Variants in ARID1B observed in about 807,000 individuals in gnomAD.
ARID1B encodes AT-rich interactive domain-containing protein 1B.
ARID1B carries 30 observed loss-of-function variants against 212.3 expected under a neutral mutation model. That is an observed-to-expected ratio of 0.14 (90% CI 0.11 to 0.19). The LOEUF (loss-of-function observed/expected upper bound fraction) is 0.19. ARID1B is among the 10% of genes least tolerant of loss of function. ARID1B has a pLI of 1.00. For synonymous variants in ARID1B, 1,402 were observed against 1,301.7 expected (o/e 1.08, Z -1.66); for missense variants, 2,891 against 3,204.0 (o/e 0.90, Z 2.36).
At chr6:156,831,612 A>G (rs1783144076) in intron 2 of ARID1B, among the ~76,000 whole-genome samples, 1 of 152,218 alleles carries the variant, frequency 6.6e-6, no homozygotes, top group Non-Finnish European at 1.5e-5. Flanking sequence ...TGTAAAGCTA[A>G]AAGTAGAGGA....
chr6:156,876,231 G>A (rs1224724797), intron 2 of ARID1B, among the ~76,000 whole-genome samples: 2 of 152,220 alleles, frequency 1.3e-5, no homozygotes, highest in Non-Finnish European at 2.9e-5. Context: ...CACATGCACA[G>A]ATTAATAAGT....
intron 5 of ARID1B, among the ~76,000 whole-genome samples, chr6:157,093,686 A>G (rs933903516): frequency 2.0e-5 from 3 of 152,262 alleles, no homozygotes; most frequent in African/African-American, 7.2e-5. Flanking sequence ...CATTAAATAC[A>G]TAAAGCTGAA....
chr6:156,777,562 GA>G lies in ARID1B; in HGVS notation c.-118del. 1 of 151,826 alleles carries G rather than the reference GA, an allele frequency of 6.6e-6. No homozygotes were observed. Among genetic ancestry groups the G allele is most frequent in the Non-Finnish European group, 1.5e-5 (1 of 68,088 alleles). 9.4% of individuals were successfully genotyped at this position (151,826 alleles called of 1,614,324 possible). On this transcript the variant is annotated 5_prime_UTR_variant, in exon 1 of 20. Coordinates refer to ENST00000636930, the MANE Select transcript of ARID1B (RefSeq NM_001374828.1). Reference sequence around the variant, plus strand: ...CGCTCCGGCGGGGCCTGCGGAGGGGGAGGGGGTCGCGGCTTCCCGGCGGGCC... The same window carrying G: ...CGCTCCGGCGGGGCCTGCGGAGGGGGGGGGGTCGCGGCTTCCCGGCGGGCC...
chr6:156,801,069 T>C (rs1043320374), intron 1 of ARID1B, among the ~76,000 whole-genome samples: 6 of 152,184 alleles, frequency 3.9e-5, no homozygotes, highest in African/African-American at 1.4e-4. Flanking sequence ...CTAGAGACTC[T>C]TGAGTTGCAT....
At chr6:156,852,899 C>T (rs1256550233) in intron 2 of ARID1B, among the ~76,000 whole-genome samples, 1 of 152,196 alleles carries the variant, frequency 6.6e-6, no homozygotes, top group African/African-American at 2.4e-5. Flanking sequence ...AAAAGGTTTA[C>T]TAAACAAACA....
At chr6:156,891,463 T>A (rs2128188083) in intron 2 of ARID1B, among the ~76,000 whole-genome samples, 1 of 152,366 alleles carries the variant, frequency 6.6e-6, no homozygotes, top group East Asian at 1.9e-4. Context: ...AATTTCATTT[T>A]GTTCTAGATT....
chr6:156,866,069 G>T (rs1042041583), intron 2 of ARID1B, among the ~76,000 whole-genome samples: 2 of 152,074 alleles, frequency 1.3e-5, no homozygotes, highest in Admixed American at 1.3e-4. Context: ...ACCTTGGTGG[G>T]CTCCTTAGGG....
chr6:157,102,251 A>G (rs1562619207), intron 5 of ARID1B, among the ~76,000 whole-genome samples: 1 of 152,220 alleles, frequency 6.6e-6, no homozygotes. Flanking sequence ...CAAAAGTAGT[A>G]GAGTATAATT....
At chr6:157,145,403 G>A (rs6926887) in intron 7 of ARID1B, among the ~76,000 whole-genome samples, 44,116 of 152,044 alleles carry the variant, frequency 0.29, 6,739 homozygotes, top group African/African-American at 0.31. Context: ...CCAAATGCCT[G>A]AACTATTTCC....
At chr6:156,845,577 A>G (rs182220378) in intron 2 of ARID1B, among the ~76,000 whole-genome samples, 52 of 152,188 alleles carry the variant, frequency 3.4e-4, no homozygotes, top group Admixed American at 8.5e-4. Context: ...CTGAGCTTCT[A>G]GCATGTCTGT....
intron 5 of ARID1B, among the ~76,000 whole-genome samples, chr6:157,109,696 T>C (rs992769669): frequency 1.3e-5 from 2 of 152,236 alleles, no homozygotes; most frequent in Non-Finnish European, 2.9e-5. Context: ...ATCTCTCTTT[T>C]ATCAGTATAG....
intron 4 of ARID1B, among the ~76,000 whole-genome samples, chr6:157,013,765 A>G (rs965209720): frequency 6.6e-6 from 1 of 152,204 alleles, no homozygotes; most frequent in Non-Finnish European, 1.5e-5. Flanking sequence ...GCCAAATTAC[A>G]TACCAGCACA....
rs570362056 is a variant in ARID1B, at chr6:156,876,379, C to G, written c.1987-24997C>G. 2.0e-5 allele frequency among the ~76,000 whole-genome samples: 3 copies of G among 152,296 alleles called. No individual in the cohort carries two copies. The East Asian group carries it at 5.8e-4, about 29-fold the overall frequency. ...GCCTTGTGGACTTGGGCCTCGATAT[C>G]TGTGTAGGCTCAGCTGTCTCGTCCT... On this transcript the variant is annotated intron_variant, in intron 2 of 19. Transcript: ENST00000636930.
chr6:157,142,297 G>A (rs940325514), intron 7 of ARID1B, among the ~76,000 whole-genome samples: 3 of 152,064 alleles, frequency 2.0e-5, no homozygotes, highest in African/African-American at 4.8e-5. Context: ...TTGTGCTGTC[G>A]ATTACAGGAT....
Position 156,779,214 on chromosome 6 carries a change from A to G in ARID1B, c.1534A>G (p.Met512Val), listed in dbSNP as rs199948752. Residue 512 changes from methionine (M) to valine (V), a missense_variant, in exon 1 of 20, where the codon ATG (methionine) becomes GTG (valine). Physicochemically the swap from Met to Val is conservative, Grantham distance 21. Transcript: ENST00000636930. ...LNQLLTSPSP[M>V]MRSYGGSYPE... Reference sequence around the variant, plus strand: ...TCAGCTGCTCACCTCGCCCAGCCCCATGATGCGGAGCTACGGCGGCAGCTA... The same window carrying G: ...TCAGCTGCTCACCTCGCCCAGCCCCGTGATGCGGAGCTACGGCGGCAGCTA... The G allele has an allele frequency of 7.1e-4, 902 of 1,276,488 alleles. 1 individual carries two copies. Among genetic ancestry groups the G allele is most frequent in the Non-Finnish European group, 7.9e-4 (796 of 1,001,538 alleles). 79.1% of individuals were successfully genotyped at this position (1,276,488 alleles called of 1,614,324 possible). A position where few individuals can be genotyped will look rare whatever the true frequency, so the allele number is the denominator to read the frequency against.
At chr6:157,059,546 T>C (rs1783208126) in intron 4 of ARID1B, among the ~76,000 whole-genome samples, 1 of 152,244 alleles carries the variant, frequency 6.6e-6, no homozygotes, top group African/African-American at 2.4e-5. Context: ...CCAAAAGGTT[T>C]CTGAGATTAG....
chr6:157,131,852 G>A lies in ARID1B; in HGVS notation c.2582-1176G>A, dbSNP rs62424330. Among the ~76,000 whole-genome samples, 359 of 152,064 alleles carry A rather than the reference G, an allele frequency of 2.4e-3. 1 individual carries two copies. Among genetic ancestry groups the A allele is most frequent in the Non-Finnish European group, 4.1e-3 (281 of 67,982 alleles). ...ATTACAGGCACCTGCCACCGTGCCC[G>A]GCTAATTTTTGTATTTTTAGTAGAG... On this transcript the variant is annotated intron_variant, in intron 6 of 19. Coordinates refer to ENST00000636930, the MANE Select transcript of ARID1B (RefSeq NM_001374828.1).
At chr6:156,848,684 C>T (rs1479041130) in intron 2 of ARID1B, among the ~76,000 whole-genome samples, 1 of 152,142 alleles carries the variant, frequency 6.6e-6, no homozygotes, top group Non-Finnish European at 1.5e-5. Flanking sequence ...GTTAAAAATA[C>T]CCGGTGTGTG....
chr6:156,829,444 G>C (rs771668645), intron 2 of ARID1B, 23 bp downstream of exon 2: 1 of 1,597,192 alleles, frequency 6.3e-7, no homozygotes, highest in Non-Finnish European at 8.5e-7. Context: ...CCCCCGACCC[G>C]CTGCTTTTTT....
Sources: gnomAD v4.1 joint callset for allele counts (sites outside exome capture counted in the v4.1 genomes callset) on GRCh38, gnomAD v4.1.1 for gene constraint, MANE v1.5 for transcripts, NCBI Gene and HGNC (gene_info 2026-07-23, HGNC 2026-07-21) for gene names.